DLC1: variants seen among roughly 807,000 people sequenced by gnomAD.
DLC1 encodes rho GTPase-activating protein 7.
In DLC1, 54 loss-of-function variants were observed where a neutral mutation model predicts 140.3. The observed-to-expected ratio is 0.38, with a 90% CI of 0.31 to 0.48. The LOEUF (loss-of-function observed/expected upper bound fraction) is 0.48, where lower values mean the gene tolerates loss of function less well. DLC1 is among the 20% of genes least tolerant of loss of function. The pLI is 0.96. For missense variants in DLC1, 2,536 were observed against 1,907.0 expected, an observed-to-expected ratio of 1.33 and a Z score of -6.14; for synonymous variants, 986 against 728.1, an observed-to-expected ratio of 1.35 and a Z score of -5.70.
At chr8:13,239,553 T>C (rs1378340581) in intron 5 of DLC1, among the ~76,000 whole-genome samples, 1 of 152,124 alleles carries the variant, frequency 6.6e-6, no homozygotes, top group Non-Finnish European at 1.5e-5. Context: ...CACTGTGTAA[T>C]GTTCAGGGAC....
intron 5 of DLC1, among the ~76,000 whole-genome samples, chr8:13,241,203 T>C (rs1829531125): frequency 6.6e-6 from 1 of 152,240 alleles, no homozygotes; most frequent in Non-Finnish European, 1.5e-5. Context: ...ATGTACACTT[T>C]GATCTTCTAC....
chr8:13,469,240 C>G (rs1800096100), intron 2 of DLC1, among the ~76,000 whole-genome samples: 1 of 152,084 alleles, frequency 6.6e-6, no homozygotes. Flanking sequence ...TTATAAAGCT[C>G]TAAATTTTTC....
intron 5 of DLC1, among the ~76,000 whole-genome samples, chr8:13,189,092 C>T (rs1262088989): frequency 1.3e-5 from 2 of 151,750 alleles, no homozygotes; most frequent in Non-Finnish European, 2.9e-5. Context: ...AACAAAGTTA[C>T]TTCAGTGGCA....
chr8:13,102,822 T>A lies in DLC1; in HGVS notation c.1534A>T (p.Met512Leu). Residue 512 changes from methionine to leucine, a missense_variant, in exon 8 of 18, where the codon ATG becomes TTG. Physicochemically the swap from Met to Leu is conservative, Grantham distance 15. Transcript: ENST00000276297. ...RLNTLNKCAV[M>L]KLEISPHRKR... is the part of the protein sequence containing the mutation. ...CGATGAGGACTAATTTCTAGCTTCATCACCGCACATTTGTTTAAAGTATTT... is the reference window on the plus strand; with the variant it reads ...CGATGAGGACTAATTTCTAGCTTCAACACCGCACATTTGTTTAAAGTATTT... The A allele has an allele frequency of 6.2e-7, 1 of 1,614,088 alleles. No homozygotes were observed. Among genetic ancestry groups the A allele is most frequent in the Non-Finnish European group, 8.5e-7 (1 of 1,179,998 alleles).
rs143766796 is a variant in DLC1, at chr8:13,422,497, G to C, written c.1024-20878C>G. Among the ~76,000 whole-genome samples the C allele has an allele frequency of 7.7e-3, 1,178 of 152,028 alleles. 7 individuals carry two copies. Among genetic ancestry groups the C allele is most frequent in the Non-Finnish European group, 0.012 (840 of 67,974 alleles). ...TAGGTTTTGACTGCAGGAGTGGGGA[G>C]CTGGAGAGAAGGTTAAAACATATCC... On this transcript the variant is annotated intron_variant, in intron 2 of 17. Transcript: ENST00000276297.
At chr8:13,452,733 T>C (rs1337146579) in intron 2 of DLC1, among the ~76,000 whole-genome samples, 2 of 152,142 alleles carry the variant, frequency 1.3e-5, no homozygotes, top group African/African-American at 4.8e-5. Context: ...ATCCAAACCA[T>C]GCTGATCTCA....
At chr8:13,237,252 CACAT>C (rs1355552627) in intron 5 of DLC1, among the ~76,000 whole-genome samples, 3 of 144,602 alleles carry the variant, frequency 2.1e-5, no homozygotes, top group Non-Finnish European at 3.0e-5. Context: ...CACACACACA[CACAT>C]ATATGTGAGT....
intron 1 of DLC1, among the ~76,000 whole-genome samples, chr8:13,591,863 A>T (rs1805526831): frequency 6.6e-6 from 1 of 152,174 alleles, no homozygotes. Flanking sequence ...GGAGGAAATT[A>T]AACAAAGATT....
intron 5 of DLC1, among the ~76,000 whole-genome samples, chr8:13,159,942 G>A (rs946639889): frequency 5.9e-5 from 9 of 151,670 alleles, no homozygotes; most frequent in African/African-American, 2.2e-4. Context: ...GGCAGATGAC[G>A]AGGTCAGGAG....
intron 1 of DLC1, among the ~76,000 whole-genome samples, chr8:13,547,739 C>G (rs1459969905): frequency 6.6e-6 from 1 of 152,078 alleles, no homozygotes; most frequent in East Asian, 1.9e-4. Flanking sequence ...CTGCACTCAT[C>G]TATCAATCCC....
intron 1 of DLC1, among the ~76,000 whole-genome samples, chr8:13,539,730 G>A (rs1235593848): frequency 6.8e-6 from 1 of 147,126 alleles, no homozygotes; most frequent in Non-Finnish European, 1.5e-5. Flanking sequence ...TGAAGATGAG[G>A]CATTAAGAAA....
intron 5 of DLC1, among the ~76,000 whole-genome samples, chr8:13,230,707 C>T (rs1334960569): frequency 2.0e-5 from 3 of 151,448 alleles, no homozygotes; most frequent in Non-Finnish European, 4.4e-5. Context: ...AGCAATTCTC[C>T]TGCCTCAGCC....
chr8:13,462,830 T>G (rs1466764619), intron 2 of DLC1, among the ~76,000 whole-genome samples: 1 of 152,244 alleles, frequency 6.6e-6, no homozygotes. Context: ...TACAAGGTAG[T>G]GAAGAGCTCA....
chr8:13,287,427 G>T (rs376356877), intron 5 of DLC1, among the ~76,000 whole-genome samples: 1 of 151,748 alleles, frequency 6.6e-6, no homozygotes, highest in East Asian at 1.9e-4. Flanking sequence ...AAAACAGTAC[G>T]GGTTAAAGAA....
At chr8:13,183,906 C>T (rs1465282894) in intron 5 of DLC1, among the ~76,000 whole-genome samples, 1 of 152,110 alleles carries the variant, frequency 6.6e-6, no homozygotes, top group Non-Finnish European at 1.5e-5. Flanking sequence ...ACTCCTCCTT[C>T]TACTTCTGGT....
At chr8:13,522,801 C>T (rs1802804535) in intron 1 of DLC1, among the ~76,000 whole-genome samples, 1 of 151,680 alleles carries the variant, frequency 6.6e-6, no homozygotes. Context: ...ATAAGAAACA[C>T]CAGAGTAAGT....
intron 2 of DLC1, among the ~76,000 whole-genome samples, chr8:13,405,620 C>G (rs535165156): frequency 1.8e-4 from 27 of 152,258 alleles, no homozygotes; most frequent in African/African-American, 6.3e-4. Flanking sequence ...TGGTTTCCCT[C>G]CATGTTAAAC....
At chr8:13,453,422 A>ATATATTTTTTTTTT (rs1554523043) in intron 2 of DLC1, among the ~76,000 whole-genome samples, 1 of 32,572 alleles carries the variant, frequency 3.1e-5, no homozygotes, top group Admixed American at 5.1e-4. Context: ...ATATATATAT[A>ATATATTTTTTTTTT]TGTGTATATA....
At chr8:13,508,639 T>C (rs1277097642) in intron 1 of DLC1, among the ~76,000 whole-genome samples, 5 of 152,148 alleles carry the variant, frequency 3.3e-5, no homozygotes, top group East Asian at 3.9e-4. Context: ...AGGATGGTCT[T>C]GATCTCCTGA....
Sources: allele counts gnomAD v4.1 joint callset (sites outside exome capture counted in the v4.1 genomes callset), GRCh38; gene constraint gnomAD v4.1.1; transcripts MANE v1.5; gene names NCBI Gene and HGNC (gene_info 2026-07-23, HGNC 2026-07-21).